Variants in ADGRL4 observed in about 807,000 individuals in gnomAD.
ADGRL4 encodes adhesion G protein-coupled receptor L4, also known as EGF, latrophilin and seven transmembrane domain containing 1.
A neutral mutation model predicts 74.8 loss-of-function variants in ADGRL4; 90 were observed. The observed-to-expected ratio is 1.20, with a 90% CI of 1.02 to 1.43. The LOEUF is 1.43. Among genes scored for constraint, ADGRL4 ranks in the 40% most tolerant of loss-of-function variants. The pLI is 0.00. For missense variants in ADGRL4, 881 were observed against 814.3 expected, an observed-to-expected ratio of 1.08 and a Z score of -1.00; for synonymous variants, 311 against 279.2, an observed-to-expected ratio of 1.11 and a Z score of -1.14.
intron 12 of ADGRL4, among the ~76,000 whole-genome samples, chr1:78,902,001 T>C (rs1648530920): frequency 1.3e-5 from 2 of 152,156 alleles, no homozygotes; most frequent in African/African-American, 4.8e-5. Flanking sequence ...TCTGAAACCA[T>C]AATAAATATA....
chr1:78,925,420 T>C (rs1321958206), intron 8 of ADGRL4, among the ~76,000 whole-genome samples: 1 of 152,072 alleles, frequency 6.6e-6, no homozygotes, highest in Non-Finnish European at 1.5e-5. Flanking sequence ...TTGATTGCTA[T>C]GAGAATGGTT....
chr1:78,917,514 T>A (rs1488781638), intron 12 of ADGRL4, 120 bp downstream of exon 12: 2 of 563,694 alleles, frequency 3.5e-6, no homozygotes, highest in Non-Finnish European at 6.2e-6. Flanking sequence ...TGCTGATAAG[T>A]GATATACTGT....
intron 7 of ADGRL4, among the ~76,000 whole-genome samples, chr1:78,930,136 G>C (rs1318489024): frequency 6.6e-6 from 1 of 151,342 alleles, no homozygotes; most frequent in Non-Finnish European, 1.5e-5. Context: ...TTATGAAATA[G>C]TGTCTCTCCA....
At chr1:78,968,277 TATAGAA>T (rs1374128510) in intron 2 of ADGRL4, among the ~76,000 whole-genome samples, 1 of 151,966 alleles carries the variant, frequency 6.6e-6, no homozygotes, top group African/African-American at 2.4e-5. Context: ...TAAAAATAGT[TATAGAA>T]ATAGAAACAA....
chr1:78,899,417 C>G (rs1648472071), intron 12 of ADGRL4, among the ~76,000 whole-genome samples: 1 of 152,126 alleles, frequency 6.6e-6, no homozygotes, highest in African/African-American at 2.4e-5. Flanking sequence ...TGCAGCGGTG[C>G]AATCATAGTC....
At chr1:78,897,661 C>CT (rs571415431) in intron 12 of ADGRL4, among the ~76,000 whole-genome samples, 1 of 152,206 alleles carries the variant, frequency 6.6e-6, no homozygotes, top group East Asian at 1.9e-4. Flanking sequence ...AGAATAATAA[C>CT]TTTTGCCAGA....
intron 2 of ADGRL4, among the ~76,000 whole-genome samples, chr1:78,961,377 G>A (rs760199281): frequency 5.3e-5 from 8 of 152,088 alleles, no homozygotes; most frequent in African/African-American, 1.2e-4. Context: ...TCTTGACCTC[G>A]TGATCCGCCC....
At chr1:78,962,509 C>T (rs1192254244) in intron 2 of ADGRL4, among the ~76,000 whole-genome samples, 2 of 152,034 alleles carry the variant, frequency 1.3e-5, no homozygotes, top group Admixed American at 6.6e-5. Context: ...TTCCTCCTGC[C>T]GACCCAGGTT....
chr1:78,914,358 T>C, intron 12 of ADGRL4, among the ~76,000 whole-genome samples: 1 of 151,872 alleles, frequency 6.6e-6, no homozygotes, highest in South Asian at 2.1e-4. Context: ...GCAGAAGATA[T>C]TTCTTATATT....
chr1:78,927,027 G>T lies in ADGRL4; in HGVS notation c.942C>A (p.Asn314Lys). The T allele has an allele frequency of 6.2e-7, 1 of 1,609,900 alleles. No homozygotes were observed. Among genetic ancestry groups the T allele is most frequent in the South Asian group, 1.1e-5 (1 of 90,986 alleles). The stretch of plus-strand genomic sequence containing the variant: ...CATAATTTTGAGGTTTCAATAAGAA[G>T]TTGTCAGATGATGAAAGCAAAGGAC... ...SIGPLLSSSD[N>K]FLLKPQNYDN... is the part of the protein sequence containing the mutation. Residue 314 changes from asparagine to lysine, a missense_variant, in exon 8 of 15, where the codon AAC becomes AAA. Transcript: ENST00000370742.
chr1:79,006,516 CT>C, intron 1 of ADGRL4, 116 bp downstream of exon 1: 1 of 1,188,036 alleles, frequency 8.4e-7, no homozygotes, highest in Non-Finnish European at 1.2e-6. Context: ...ATCAATTCTC[CT>C]CGGAGATTTT....
intron 2 of ADGRL4, among the ~76,000 whole-genome samples, chr1:78,976,327 C>T (rs1367171002): frequency 6.6e-6 from 1 of 151,822 alleles, no homozygotes; most frequent in Non-Finnish European, 1.5e-5. Context: ...CTTCTGTTCT[C>T]ACAAACAAGA....
At chr1:78,978,665 C>T (rs1362533010) in intron 2 of ADGRL4, among the ~76,000 whole-genome samples, 1 of 151,894 alleles carries the variant, frequency 6.6e-6, no homozygotes, top group East Asian at 1.9e-4. Context: ...GAGTACTTTC[C>T]CATTGTTGAA....
chr1:78,918,091 G>T (rs1570226579), intron 10 of ADGRL4, 41 bp from the exon 11 acceptor site: 2 of 1,493,274 alleles, frequency 1.3e-6, no homozygotes, highest in Non-Finnish European at 1.8e-6. Context: ...GTCAGTGTTT[G>T]TTTTAAAATT....
intron 2 of ADGRL4, among the ~76,000 whole-genome samples, chr1:78,977,716 T>C (rs1352256341): frequency 1.3e-5 from 2 of 151,762 alleles, no homozygotes; most frequent in African/African-American, 4.8e-5. Context: ...TTCTGGTGAG[T>C]AGTTTGGAGA....
intron 2 of ADGRL4, among the ~76,000 whole-genome samples, chr1:78,982,362 G>A (rs1476284706): frequency 6.6e-6 from 1 of 151,854 alleles, no homozygotes; most frequent in Non-Finnish European, 1.5e-5. Context: ...CAAGTGAGAT[G>A]TTTTTTACTG....
At chr1:78,993,803 G>C (rs1650661724) in intron 2 of ADGRL4, among the ~76,000 whole-genome samples, 1 of 152,132 alleles carries the variant, frequency 6.6e-6, no homozygotes, top group South Asian at 2.1e-4. Context: ...TCGATTTCCT[G>C]ACCTCGTGAT....
At chr1:78,892,065 T>C (rs1648288915) in intron 13 of ADGRL4, among the ~76,000 whole-genome samples, 1 of 151,974 alleles carries the variant, frequency 6.6e-6, no homozygotes, top group Non-Finnish European at 1.5e-5. Context: ...CATATATCTG[T>C]TAGGAAGTAT....
chr1:78,975,601 AC>A (rs1650260696), intron 2 of ADGRL4, among the ~76,000 whole-genome samples: 1 of 151,756 alleles, frequency 6.6e-6, no homozygotes, highest in South Asian at 2.1e-4. Flanking sequence ...ACAGACTAAA[AC>A]CCAACTCAGG....
Sources: allele counts gnomAD v4.1 joint callset (sites outside exome capture counted in the v4.1 genomes callset), GRCh38; gene constraint gnomAD v4.1.1; transcripts MANE v1.5; gene names NCBI Gene and HGNC (gene_info 2026-07-23, HGNC 2026-07-21).